PXDN: variants seen among roughly 807,000 people sequenced by gnomAD.
PXDN encodes the protein peroxidasin.
PXDN carries 77 observed loss-of-function variants against 140.3 expected under a neutral mutation model. That is an observed-to-expected ratio of 0.55 (90% CI 0.46 to 0.66). The LOEUF (loss-of-function observed/expected upper bound fraction) is 0.66, where lower values mean the gene tolerates loss of function less well. Among genes scored for constraint, PXDN ranks in the 30% least tolerant of loss-of-function variants. The pLI, the probability that PXDN is intolerant of heterozygous loss-of-function variation, is 0.00. For synonymous variants in PXDN, 911 were observed against 857.4 expected (o/e 1.06, Z -1.09); for missense variants, 1,838 against 2,039.5 (o/e 0.90, Z 1.90).
rs1682957589 is a variant in PXDN at position 1,649,428 on chromosome 2, G to A, written c.2352C>T (p.His784=). 1 of 1,613,862 alleles carries A rather than the reference G, an allele frequency of 6.2e-7. No homozygotes were observed. Among genetic ancestry groups the A allele is most frequent in the African/African-American group, 1.3e-5 (1 of 74,926 alleles). Residue 784 remains histidine (H), a synonymous_variant, in exon 17 of 23, where the codon CAC becomes CAT. Transcript: ENST00000252804. The surrounding 1 kb of genome is among the most constrained non-coding windows in gnomAD (Gnocchi z 7.1). Reference sequence around the variant, plus strand: ...GAAGGGCGTGCCCGTTGTACAGTCGGTGGGGGTTGATGCCCCGAGGGGTGT... The same window carrying A: ...GAAGGGCGTGCCCGTTGTACAGTCGATGGGGGTTGATGCCCCGAGGGGTGT... The part of the protein sequence containing the change: ...GFNTPRGINP[H]RLYNGHALPM...
At chr2:1,702,417 A>G (rs1684457438) in intron 1 of PXDN, among the ~76,000 whole-genome samples, 1 of 152,214 alleles carries the variant, frequency 6.6e-6, no homozygotes, top group Non-Finnish European at 1.5e-5. Context: ...GAGCTGCTCT[A>G]AGAGAGAAGA....
chr2:1,710,538 C>A (rs1195444213), intron 1 of PXDN, among the ~76,000 whole-genome samples: 2 of 150,004 alleles, frequency 1.3e-5, no homozygotes, highest in Admixed American at 1.3e-4. Context: ...TCTACGAACA[C>A]CCACTCCACC....
At chr2:1,672,879 A>C (rs1683608747) in intron 9 of PXDN, among the ~76,000 whole-genome samples, 1 of 152,258 alleles carries the variant, frequency 6.6e-6, no homozygotes, top group African/African-American at 2.4e-5. Context: ...AGAAGGTTTC[A>C]GAGAGGAAGT....
chr2:1,634,409 G>A (rs1444015345), intron 22 of PXDN, 86 bp from the exon 23 acceptor site: 1 of 1,472,374 alleles, frequency 6.8e-7, no homozygotes, highest in Non-Finnish European at 9.1e-7. Context: ...ACAGGTGTCA[G>A]CCACGGCCAT....
chr2:1,650,337 C>T (rs1054446902), intron 16 of PXDN, among the ~76,000 whole-genome samples: 2 of 152,176 alleles, frequency 1.3e-5, no homozygotes, highest in Non-Finnish European at 2.9e-5. Context: ...GTCATCCACA[C>T]GCCCTCCCCA....
Position 1,649,556 on chromosome 2 carries a change from G to A in PXDN, c.2224C>T (p.Arg742Trp), listed in dbSNP as rs749183189. 6 of 1,614,038 alleles carry A rather than the reference G, an allele frequency of 3.7e-6. No individual in the cohort carries two copies. Among genetic ancestry groups the A allele is most frequent in the Non-Finnish European group, 5.1e-6 (6 of 1,179,898 alleles). ...CSDMCFHQKY[R>W]THDGTCNNLQ... ...TTGTTACAGGTGCCGTCGTGCGTCC[G>A]GTACTTCTGGTGGAAGCACATGTCC... is the stretch of plus-strand genomic sequence containing the variant. Residue 742 changes from arginine (R) to tryptophan (W), a missense_variant, in exon 17 of 23, where the codon CGG (arginine) becomes TGG (tryptophan). Around this residue, in one of 5 missense-constraint regions of PXDN, gnomAD observed 537 missense variants for 583.9 expected, o/e 0.92. Transcript: ENST00000252804. This position sits in a 1 kb window ranked among gnomAD's most constrained non-coding sequence, Gnocchi z 7.1.
At chr2:1,716,562 G>T (rs1684901089) in intron 1 of PXDN, among the ~76,000 whole-genome samples, 1 of 151,868 alleles carries the variant, frequency 6.6e-6, no homozygotes, top group Admixed American at 6.6e-5. Flanking sequence ...AGGAGGACTA[G>T]CGTGGGAGGT....
chr2:1,662,156 G>T lies in PXDN; in HGVS notation c.1596C>A (p.Ser532Arg). 4 of 1,591,610 alleles carry T rather than the reference G, an allele frequency of 2.5e-6. No homozygotes were observed. Among genetic ancestry groups the T allele is most frequent in the Non-Finnish European group, 1.7e-6 (2 of 1,168,852 alleles). The part of the protein sequence containing the change: ...RVTPVFASIP[S>R]DTTVEVGANV... ...TGGCGCCCACCTCCACTGTTGTGTC[G>T]CTGGGAATGCTGGCAAACACTGGGG... The change falls in exon 13 of 23, where the codon AGC becomes AGA. Residue 532 changes from serine to arginine, a missense_variant. Around this residue, in one of 5 missense-constraint regions of PXDN, gnomAD observed 537 missense variants for 583.9 expected, o/e 0.92. Coordinates refer to ENST00000252804, the MANE Select transcript of PXDN (RefSeq NM_012293.3).
At chr2:1,637,563 C>T (rs2125402157) in intron 21 of PXDN, among the ~76,000 whole-genome samples, 1 of 150,530 alleles carries the variant, frequency 6.6e-6, no homozygotes, top group Admixed American at 6.6e-5. Context: ...ACTCTGACAG[C>T]TGCCAGGCGA....
At position 1,644,639 on chromosome 2, in the gene PXDN, T is replaced by C. The variant is rs376502235; in HGVS notation, c.3722A>G (p.Lys1241Arg). 14 of 1,607,208 alleles carry C rather than the reference T, an allele frequency of 8.7e-6. No individual in the cohort carries two copies. The highest frequency in any genetic ancestry group is 1.2e-5 in the Non-Finnish European group (14 of 1,175,610). The change falls in exon 18 of 23, where the codon AAG (lysine) becomes AGG (arginine). Residue 1241 changes from lysine to arginine, a missense_variant. This residue lies in a region of PXDN where 850 missense variants were observed against 894.1 expected (regional missense o/e 0.95). Transcript: ENST00000252804. ...TLMCLLSTQF[K>R]RLRDGDRLWY... is the part of the protein sequence containing the mutation. ...TCACCTGTCCCCATCTCGCAGGCGC[T>C]TGAACTGTGTGCTGAGAAGACACAT...
intron 1 of PXDN, among the ~76,000 whole-genome samples, chr2:1,701,823 C>T (rs1684441199): frequency 6.6e-6 from 1 of 152,202 alleles, no homozygotes; most frequent in African/African-American, 2.4e-5. Context: ...GGTGGGATGA[C>T]TGCCCTTATG....
intron 1 of PXDN, among the ~76,000 whole-genome samples, chr2:1,715,332 C>G (rs1030234040): frequency 6.6e-6 from 1 of 152,182 alleles, no homozygotes; most frequent in South Asian, 2.1e-4. Context: ...TAAGTATGTC[C>G]GGGAAAATAC....
intron 1 of PXDN, among the ~76,000 whole-genome samples, chr2:1,718,029 A>G (rs568491372): frequency 1.4e-4 from 21 of 148,252 alleles, no homozygotes; most frequent in African/African-American, 5.3e-4. Context: ...CGACCACCCA[A>G]AGCTATTCTA....
chr2:1,642,831 T>C (rs1682760174), intron 19 of PXDN, among the ~76,000 whole-genome samples: 1 of 152,162 alleles, frequency 6.6e-6, no homozygotes, highest in South Asian at 2.1e-4. Flanking sequence ...GTGGGATTGA[T>C]ATCAGGGCGT....
intron 1 of PXDN, among the ~76,000 whole-genome samples, chr2:1,697,145 G>C (rs1307072840): frequency 1.3e-5 from 2 of 152,176 alleles, no homozygotes; most frequent in Admixed American, 6.5e-5. Flanking sequence ...GTTCAAATAA[G>C]ATTTCCAGGT....
Position 1,663,603 on chromosome 2 carries a change from A to G in PXDN, c.1567+2T>C. 6.2e-7 allele frequency: 1 copy of G among 1,613,724 alleles called. No homozygotes were observed. The highest frequency in any genetic ancestry group is 8.5e-7 in the Non-Finnish European group (1 of 1,179,802). ...TTCAGTCCACAACCTCCTGGCACCT[A>G]CCTCTGGGCTGCACAGTCAGGTGGG... On this transcript the variant is annotated splice_donor_variant, in intron 12 of 22. Coordinates refer to ENST00000252804, the MANE Select transcript of PXDN (RefSeq NM_012293.3). LOFTEE classifies it high-confidence loss of function.
chr2:1,730,104 G>A (rs994407831), intron 1 of PXDN, among the ~76,000 whole-genome samples: 3 of 152,202 alleles, frequency 2.0e-5, no homozygotes, highest in African/African-American at 4.8e-5. Context: ...CTGTGTGTGT[G>A]CATCTGAGAA....
intron 14 of PXDN, among the ~76,000 whole-genome samples, chr2:1,655,195 T>C (rs563348420): frequency 7.3e-6 from 1 of 136,234 alleles, no homozygotes; most frequent in Non-Finnish European, 1.6e-5. Flanking sequence ...TACACACATG[T>C]CACATTATAC....
At chr2:1,661,186 G>T in intron 13 of PXDN, 149 bp from the exon 14 acceptor site, 5 of 901,612 alleles carry the variant, frequency 5.5e-6, no homozygotes, top group Non-Finnish European at 8.3e-6. Context: ...GGCCTGGAAA[G>T]CGAAGGAGAT....
Sources: allele counts gnomAD v4.1 joint callset (sites outside exome capture counted in the v4.1 genomes callset), GRCh38; gene constraint gnomAD v4.1.1; regional missense constraint gnomAD v4.1.1; non-coding constraint Gnocchi (gnomAD v3.1); transcripts MANE v1.5; gene names NCBI Gene and HGNC (gene_info 2026-07-23, HGNC 2026-07-21).